RIN2: variants seen among roughly 807,000 people sequenced by gnomAD.
RIN2 encodes Ras and Rab interactor 2, also known as RAB5 interacting protein 2.
In RIN2, 36 loss-of-function variants were observed where a neutral mutation model predicts 78.0. The observed-to-expected ratio is 0.46, with a 90% CI of 0.35 to 0.61. The LOEUF (loss-of-function observed/expected upper bound fraction) is 0.61, where lower values mean the gene tolerates loss of function less well. RIN2 is among the 20% of genes least tolerant of loss of function. RIN2 has a pLI of 0.00. For synonymous variants in RIN2, 466 were observed against 466.8 expected, an observed-to-expected ratio of 1.00 and a Z score of 0.02; for missense variants, 1,087 against 1,159.7, an observed-to-expected ratio of 0.94 and a Z score of 0.91.
chr20:19,870,956 C>T (rs2123363341), intron 2 of RIN2, among the ~76,000 whole-genome samples: 1 of 152,270 alleles, frequency 6.6e-6, no homozygotes, highest in South Asian at 2.1e-4. Context: ...CTATCGGTCC[C>T]CTTGCAACTA....
intron 2 of RIN2, among the ~76,000 whole-genome samples, chr20:19,800,798 AC>A (rs2035217721): frequency 6.6e-6 from 1 of 152,150 alleles, no homozygotes; most frequent in African/African-American, 2.4e-5. Flanking sequence ...ATTTAAACCC[AC>A]AGCAACACTG....
intron 4 of RIN2, among the ~76,000 whole-genome samples, chr20:19,947,581 G>C (rs2041145896): frequency 6.6e-6 from 1 of 152,210 alleles, no homozygotes. Context: ...CTTATCACAT[G>C]ATAATTAGCC....
chr20:19,967,902 C>A (rs1181058503), intron 7 of RIN2, among the ~76,000 whole-genome samples: 3 of 152,168 alleles, frequency 2.0e-5, no homozygotes, highest in African/African-American at 7.2e-5. Context: ...CTTATGGCAA[C>A]CCTATAAATT....
intron 3 of RIN2, among the ~76,000 whole-genome samples, chr20:19,909,196 G>T (rs917932572): frequency 6.6e-6 from 1 of 151,962 alleles, no homozygotes; most frequent in African/African-American, 2.4e-5. Flanking sequence ...ACCCACTGAG[G>T]CCCATAAAAC....
At chr20:19,847,537 C>CA (rs2036825443) in intron 2 of RIN2, among the ~76,000 whole-genome samples, 1 of 152,150 alleles carries the variant, frequency 6.6e-6, no homozygotes, top group Non-Finnish European at 1.5e-5. Flanking sequence ...AGAGGGGGTT[C>CA]TAGAAGTGTG....
chr20:19,938,308 T>G (rs1279389917), intron 4 of RIN2, among the ~76,000 whole-genome samples: 2 of 152,156 alleles, frequency 1.3e-5, no homozygotes, highest in Non-Finnish European at 2.9e-5. Context: ...AGCCTTGACC[T>G]CCTGGGCTCA....
chr20:19,941,679 AATTT>A (rs1195085274), intron 4 of RIN2, among the ~76,000 whole-genome samples: 1 of 152,114 alleles, frequency 6.6e-6, no homozygotes, highest in African/African-American at 2.4e-5. Flanking sequence ...TACTTTGATC[AATTT>A]ACCCCCAATC....
At chr20:19,875,177 T>A (rs1322923928) in intron 2 of RIN2, among the ~76,000 whole-genome samples, 2 of 147,556 alleles carry the variant, frequency 1.4e-5, no homozygotes, top group African/African-American at 5.0e-5. Context: ...TTTTTTTTTT[T>A]AAACGGAGGC....
At chr20:19,989,970 A>G in intron 9 of RIN2, 36 bp from the exon 10 acceptor site, 1 of 1,487,014 alleles carries the variant, frequency 6.7e-7, no homozygotes, top group Non-Finnish European at 8.9e-7. Flanking sequence ...TTCTTTCTTC[A>G]GACAATAGTC....
In RIN2 at chr20:19,996,703, A is replaced by G. The variant is rs543947915; in HGVS notation, c.2225A>G (p.Tyr742Cys). The change falls in exon 12 of 13, where the codon TAT (tyrosine) becomes TGT (cysteine). Residue 742 changes from tyrosine to cysteine, a missense_variant. Around this residue, in one of 8 missense-constraint regions of RIN2, gnomAD observed 45 missense variants for 88.1 expected, o/e 0.51. Coordinates refer to ENST00000255006, the MANE Select transcript of RIN2 (RefSeq NM_018993.4). ...GGAGGCTATTACTTGACAAGCGCATATGGAGCACTTTCTCTGATAAAGAAT... is the reference window on the plus strand; with the variant it reads ...GGAGGCTATTACTTGACAAGCGCATGTGGAGCACTTTCTCTGATAAAGAAT... ...GEGGYYLTSA[Y>C]GALSLIKNFQ... The G allele has an allele frequency of 5.0e-6, 8 of 1,614,044 alleles. No homozygotes were observed. The South Asian group carries it at 7.7e-5, about 16-fold the overall frequency.
intron 2 of RIN2, among the ~76,000 whole-genome samples, chr20:19,837,664 G>T (rs768264219): frequency 6.6e-6 from 1 of 151,832 alleles, no homozygotes. Flanking sequence ...CTTTTTAATT[G>T]TTTATTATAT....
intron 7 of RIN2, among the ~76,000 whole-genome samples, 199 bp downstream of exon 7, chr20:19,965,223 C>T (rs1445270612): frequency 2.0e-5 from 3 of 152,144 alleles, no homozygotes. Context: ...GTCAAAACGA[C>T]TATCCCAACC....
intron 9 of RIN2, among the ~76,000 whole-genome samples, chr20:19,976,136 G>A (rs570804622): frequency 6.6e-6 from 1 of 152,302 alleles, no homozygotes; most frequent in South Asian, 2.1e-4. Context: ...ACATACAAAG[G>A]TAGTTTTGTT....
intron 2 of RIN2, among the ~76,000 whole-genome samples, chr20:19,852,283 C>T (rs367825874): frequency 1.3e-5 from 2 of 152,122 alleles, no homozygotes; most frequent in Non-Finnish European, 2.9e-5. Context: ...GGTGATTCTA[C>T]CAGCATCTCC....
At chr20:19,773,563 G>C (rs2122445413) in intron 1 of RIN2, among the ~76,000 whole-genome samples, 1 of 152,274 alleles carries the variant, frequency 6.6e-6, no homozygotes, top group South Asian at 2.1e-4. Flanking sequence ...GAGAATGGGA[G>C]CTGAAGGCTT....
At chr20:19,866,883 C>T (rs2037526417) in intron 2 of RIN2, among the ~76,000 whole-genome samples, 1 of 152,156 alleles carries the variant, frequency 6.6e-6, no homozygotes, top group Admixed American at 6.5e-5. Flanking sequence ...CCTTGGCCTC[C>T]CAAAGTGCTG....
At chr20:19,941,600 C>A (rs2040872845) in intron 4 of RIN2, among the ~76,000 whole-genome samples, 1 of 152,146 alleles carries the variant, frequency 6.6e-6, no homozygotes, top group Non-Finnish European at 1.5e-5. Flanking sequence ...ACAGGGCAGG[C>A]CGTGTAGCAG....
At chr20:19,935,261 C>CAAGT in intron 4 of RIN2, 62 bp downstream of exon 4, 1 of 1,429,350 alleles carries the variant, frequency 7.0e-7, no homozygotes, top group Non-Finnish European at 9.6e-7. Flanking sequence ...CCTGGCACTG[C>CAAGT]CAAGGGCTGA....
chr20:19,759,699 T>C (rs1359336175), intron 1 of RIN2, among the ~76,000 whole-genome samples: 1 of 152,130 alleles, frequency 6.6e-6, no homozygotes, highest in Non-Finnish European at 1.5e-5. Context: ...ACCCCATCTC[T>C]ACTAAAAATA....
Sources: allele counts gnomAD v4.1 joint callset (sites outside exome capture counted in the v4.1 genomes callset), GRCh38; gene constraint gnomAD v4.1.1; regional missense constraint gnomAD v4.1.1; transcripts MANE v1.5; gene names NCBI Gene and HGNC (gene_info 2026-07-23, HGNC 2026-07-21).